Variants in FKTN observed in about 807,000 individuals in gnomAD.
The protein encoded by FKTN is ribitol-5-phosphate transferase FKTN.
Under a neutral mutation model 58.6 loss-of-function variants are expected in FKTN, and 47 were observed. That is an observed-to-expected ratio of 0.80 (90% CI 0.63 to 1.02). FKTN has a LOEUF of 1.02. Among genes scored for constraint, FKTN ranks in the 50% least tolerant of loss-of-function variants. FKTN has a pLI of 0.00. For missense variants in FKTN, 516 were observed against 537.3 expected (o/e 0.96, Z 0.39); for synonymous variants, 178 against 191.9 (o/e 0.93, Z 0.60).
At chr9:105,582,267 C>T (rs1413141586) in intron 3 of FKTN, among the ~76,000 whole-genome samples, 1 of 107,624 alleles carries the variant, frequency 9.3e-6, no homozygotes, top group Non-Finnish European at 2.1e-5. Context: ...TCATAGCTCA[C>T]TGTAACCTTG....
intron 8 of FKTN, among the ~76,000 whole-genome samples, chr9:105,617,155 C>T (rs1387630199): frequency 6.6e-6 from 1 of 152,180 alleles, no homozygotes; most frequent in African/African-American, 2.4e-5. Flanking sequence ...TATTATCCAA[C>T]AGCAATGCCT....
intron 3 of FKTN, among the ~76,000 whole-genome samples, chr9:105,581,798 G>A (rs2132229080): frequency 6.6e-6 from 1 of 152,338 alleles, no homozygotes; most frequent in East Asian, 1.9e-4. Context: ...ATCTCAGACT[G>A]CTGGGCTAGC....
At chr9:105,605,127 TA>T (rs917616143) in intron 6 of FKTN, among the ~76,000 whole-genome samples, 1 of 152,048 alleles carries the variant, frequency 6.6e-6, no homozygotes, top group African/African-American at 2.4e-5. Context: ...TTATTATTAT[TA>T]TTTTTTTCCA....
intron 1 of FKTN, among the ~76,000 whole-genome samples, chr9:105,566,101 G>C (rs970062776): frequency 6.6e-5 from 10 of 152,066 alleles, no homozygotes; most frequent in Admixed American, 4.6e-4. Flanking sequence ...TTGAAACCAA[G>C]GAGAACAAAG....
Position 105,639,971 on chromosome 9 carries a change from A to G in FKTN, c.*4707A>G. 2.0e-6 allele frequency: 3 copies of G among 1,502,452 alleles called. No homozygotes were observed. The highest frequency in any genetic ancestry group is 2.7e-6 in the Non-Finnish European group (3 of 1,128,130). 93.1% of individuals were successfully genotyped at this position (1,502,452 alleles called of 1,614,324 possible). On this transcript the variant is annotated 3_prime_UTR_variant, in exon 11 of 11. Coordinates refer to ENST00000357998, the MANE Select transcript of FKTN (RefSeq NM_001079802.2). ...ATATAAGCCATGATTTGGAGAGGGA[A>G]GAAATCTGGAATACTTAATTTCATT... is the stretch of plus-strand genomic sequence containing the variant.
chr9:105,606,515 A>G lies in FKTN; in HGVS notation c.648-1304A>G, dbSNP rs532002947. Among the ~76,000 whole-genome samples the G allele has an allele frequency of 2.0e-3, 303 of 151,890 alleles. 3 individuals are homozygous for G. The highest frequency in any genetic ancestry group is 6.9e-3 in the African/African-American group (287 of 41,550). ...TCTCCTTTTGAAATCAGCGATAATG[A>G]TGTTACAGTCTACTTTGAATAGCAG... On this transcript the variant is annotated intron_variant, in intron 6 of 10. Coordinates refer to ENST00000357998, the MANE Select transcript of FKTN (RefSeq NM_001079802.2).
intron 10 of FKTN, among the ~76,000 whole-genome samples, chr9:105,631,611 A>G (rs1157970576): frequency 1.3e-5 from 2 of 152,182 alleles, no homozygotes; most frequent in East Asian, 3.8e-4. Context: ...GGTGAAGGAC[A>G]TGAACAGACA....
At chr9:105,559,003 T>A (rs1290428480) in intron 1 of FKTN, among the ~76,000 whole-genome samples, 2 of 152,202 alleles carry the variant, frequency 1.3e-5, no homozygotes, top group Admixed American at 6.5e-5. Flanking sequence ...GTGCAGGGTG[T>A]TCTGACAAGG....
intron 3 of FKTN, among the ~76,000 whole-genome samples, chr9:105,590,151 G>T (rs76353645): frequency 6.6e-6 from 1 of 151,746 alleles, no homozygotes; most frequent in Non-Finnish European, 1.5e-5. Context: ...CCCATGTGCT[G>T]GGGGGGGACC....
chr9:105,561,264 A>G (rs1183290372), intron 1 of FKTN, among the ~76,000 whole-genome samples: 3 of 152,016 alleles, frequency 2.0e-5, no homozygotes, highest in Non-Finnish European at 2.9e-5. Flanking sequence ...ACAGAGCAAG[A>G]CTCCATTTCT....
chr9:105,594,702 C>T (rs1267582798), intron 3 of FKTN, among the ~76,000 whole-genome samples: 6 of 152,128 alleles, frequency 3.9e-5, no homozygotes, highest in African/African-American at 7.2e-5. Flanking sequence ...GCCGTGATCA[C>T]GCCACTGCAC....
At chr9:105,588,709 A>G (rs964705345) in intron 3 of FKTN, among the ~76,000 whole-genome samples, 23 of 152,298 alleles carry the variant, frequency 1.5e-4, no homozygotes, top group African/African-American at 5.1e-4. Flanking sequence ...TGCAGATCTG[A>G]TCCAAGTTAT....
intron 3 of FKTN, among the ~76,000 whole-genome samples, chr9:105,579,899 T>C (rs1354226517): frequency 1.3e-3 from 203 of 152,096 alleles, no homozygotes; most frequent in African/African-American, 4.6e-3. Context: ...CTTGTTGAAT[T>C]GATCCCTTTA....
chr9:105,576,799 T>C (rs1480138748), intron 3 of FKTN, among the ~76,000 whole-genome samples: 1 of 85,692 alleles, frequency 1.2e-5, no homozygotes, highest in Non-Finnish European at 2.3e-5. Context: ...GTAAAAGTGT[T>C]CCTGTTTCTC....
chr9:105,565,586 C>A (rs976653894), intron 1 of FKTN, among the ~76,000 whole-genome samples: 2 of 151,856 alleles, frequency 1.3e-5, no homozygotes, highest in African/African-American at 4.8e-5. Flanking sequence ...ATCAATTCAA[C>A]AAGAAGAGCT....
chr9:105,566,760 A>G (rs896394280), intron 1 of FKTN, among the ~76,000 whole-genome samples: 1 of 152,230 alleles, frequency 6.6e-6, no homozygotes, highest in Non-Finnish European at 1.5e-5. Context: ...ATTCCAATCA[A>G]CAGAAAAAGA....
At position 105,639,423 on chromosome 9, in the gene FKTN, A is replaced by G. The variant is rs1245261928; in HGVS notation, c.*4159A>G. 11 of 607,962 alleles carry G rather than the reference A, an allele frequency of 1.8e-5. 1 individual carries two copies. In the South Asian group the frequency reaches 8.0e-4, roughly 44 times the overall value. 37.7% of individuals were successfully genotyped at this position (607,962 alleles called of 1,614,324 possible). On this transcript the variant is annotated 3_prime_UTR_variant, in exon 11 of 11. Coordinates refer to ENST00000357998, the MANE Select transcript of FKTN (RefSeq NM_001079802.2). ...GGGCCCTTTCAGTCTCAATTTCCACATTAGTGAACTGGGGAAATGATACAT... is the reference window on the plus strand; with the variant it reads ...GGGCCCTTTCAGTCTCAATTTCCACGTTAGTGAACTGGGGAAATGATACAT...
intron 3 of FKTN, among the ~76,000 whole-genome samples, chr9:105,581,752 G>T (rs1370657916): frequency 1.3e-5 from 2 of 152,280 alleles, no homozygotes; most frequent in South Asian, 2.1e-4. Context: ...AATGGCGGGC[G>T]CCCCTCCCCC....
Position 105,567,760 on chromosome 9 carries a change from A to C in FKTN, c.-180-5895A>C, listed in dbSNP as rs183649378. On this transcript the variant is annotated intron_variant, in intron 1 of 10. Transcript: ENST00000357998. ...CAGTGCCATCCCCATCAAGCTACCA[A>C]TGACTTTCTTCACAGAATTGGAAAA... Among the ~76,000 whole-genome samples, 1,378 of 152,310 alleles carry C rather than the reference A, an allele frequency of 9.0e-3. 22 individuals carry two copies. The highest frequency in any genetic ancestry group is 0.032 in the African/African-American group (1,320 of 41,562).
Sources: allele counts gnomAD v4.1 joint callset (sites outside exome capture counted in the v4.1 genomes callset), GRCh38; gene constraint gnomAD v4.1.1; transcripts MANE v1.5; gene names NCBI Gene and HGNC (gene_info 2026-07-23, HGNC 2026-07-21).